Variants in RPS9 observed in about 807,000 individuals in gnomAD.
RPS9 encodes small ribosomal subunit protein uS4.
RPS9 carries 1 observed loss-of-function variant against 16.9 expected under a neutral mutation model. The ratio of observed to expected loss-of-function variants is 0.06; its 90% CI spans 0.02 to 0.28. The LOEUF (loss-of-function observed/expected upper bound fraction) is 0.28, where lower values mean the gene tolerates loss of function less well. RPS9 is among the 10% of genes least tolerant of loss of function. The pLI is 1.00. For missense variants in RPS9, 137 were observed against 273.2 expected (o/e 0.50, Z 3.51); for synonymous variants, 106 against 110.9 (o/e 0.96, Z 0.28).
intron 3 of RPS9, chr19:54,202,461 G>T: frequency 1.0e-6 from 1 of 985,362 alleles, no homozygotes; most frequent in Non-Finnish European, 1.2e-6. Context: ...GCCTGAACAG[G>T]AGAGAACCTG....
rs112444181 is a variant in RPS9 at position 54,206,286 on chromosome 19, G to C, written c.231G>C (p.Leu77=). The change falls in exon 4 of 5, where the codon CTG becomes CTC. Residue 77 remains leucine, a synonymous_variant. Coordinates refer to ENST00000302907, the MANE Select transcript of RPS9 (RefSeq NM_001013.4). ...DPRRLFEGNA[L]LRRLVRIGVL... The stretch of plus-strand genomic sequence containing the variant: ...TCCCACTCTTCCCAGGCAACGCCCT[G>C]CTGCGGCGGCTGGTCCGCATTGGGG... The C allele has an allele frequency of 6.6e-3, 10,713 of 1,612,794 alleles. 160 individuals carry two copies. Among genetic ancestry groups the C allele is most frequent in the African/African-American group, 0.049 (3,676 of 75,042 alleles).
intron 4 of RPS9, chr19:54,206,755 A>G: frequency 6.9e-7 from 1 of 1,453,070 alleles, no homozygotes; most frequent in East Asian, 2.5e-5. Context: ...CAGTGGAGGG[A>G]GAGAACCAGC....
chr19:54,203,283 C>T (rs2077124384), intron 3 of RPS9: 1 of 985,344 alleles, frequency 1.0e-6, no homozygotes, highest in Non-Finnish European at 1.2e-6. Context: ...CAGGTGAGTA[C>T]ACTTTCTAGT....
At chr19:54,201,013 C>T (rs1338747219) in intron 1 of RPS9, 125 bp downstream of exon 1, 19 of 1,448,678 alleles carry the variant, frequency 1.3e-5, no homozygotes, top group Middle Eastern at 5.1e-4. Context: ...GGGAGTGCAG[C>T]ACGGTTGTGG....
Position 54,200,882 on chromosome 19 carries a change from TGCTTA to T in RPS9, c.-30_-26del, listed in dbSNP as rs1428128523. 1 of 1,168,280 alleles carries T rather than the reference TGCTTA, an allele frequency of 8.6e-7. No homozygotes were observed. Among genetic ancestry groups the T allele is most frequent in the African/African-American group, 1.6e-5 (1 of 61,676 alleles). The allele number at this position is 1,168,280 out of a possible 1,614,324, so 72.4% of individuals were successfully genotyped here. A position where few individuals can be genotyped will look rare whatever the true frequency, so the allele number is the denominator to read the frequency against. ...CCTCTTTCTCAGTGACCGGGTGGTT[TGCTTA>T]GGTGAGGTGCGGTGGTGTGCTTTTT... On this transcript the variant is annotated splice_region_variant and 5_prime_UTR_variant, in exon 1 of 5. Transcript: ENST00000302907.
chr19:54,201,258 T>G lies in RPS9; in HGVS notation c.74T>G (p.Leu25Arg), dbSNP rs928989934. ...TPRRPFEKSR[L>R]DQELKLIGEY... ...CGGAGACCCTTCGAGAAATCTCGTCTCGACCAAGAGCTGAAGCTGATCGGT... is the reference window on the plus strand; with the variant it reads ...CGGAGACCCTTCGAGAAATCTCGTCGCGACCAAGAGCTGAAGCTGATCGGT... The change falls in exon 2 of 5, where the codon CTC (leucine) becomes CGC (arginine). Residue 25 changes from leucine to arginine, a missense_variant. Coordinates refer to ENST00000302907, the MANE Select transcript of RPS9 (RefSeq NM_001013.4). 6.2e-7 allele frequency: 1 copy of G among 1,613,182 alleles called. No individual in the cohort carries two copies. Among genetic ancestry groups the G allele is most frequent in the Non-Finnish European group, 8.5e-7 (1 of 1,179,396 alleles).
chr19:54,202,229 T>G (rs1197051330), intron 3 of RPS9, among the ~76,000 whole-genome samples: 2 of 152,056 alleles, frequency 1.3e-5, no homozygotes, highest in South Asian at 2.2e-4. Context: ...CCATTGCCCA[T>G]GCTGGAGTGT....
At chr19:54,206,927 C>T (rs367906588) in intron 4 of RPS9, 19 of 506,952 alleles carry the variant, frequency 3.7e-5, no homozygotes, top group East Asian at 7.0e-5. Context: ...AAGATGTTTG[C>T]GTTTAGAATC....
rs773622158 is a variant in RPS9, at chr19:54,201,241, C to A, written c.57C>A (p.Pro19=). The A allele has an allele frequency of 5.6e-6, 9 of 1,612,472 alleles. No individual in the cohort carries two copies. Among genetic ancestry groups the A allele is most frequent in the Non-Finnish European group, 7.6e-6 (9 of 1,178,776 alleles). ...AAACTTATGTGACCCCGCGGAGACC[C>A]TTCGAGAAATCTCGTCTCGACCAAG... ...CRKTYVTPRR[P]FEKSRLDQEL... The change falls in exon 2 of 5, where the codon CCC becomes CCA. Residue 19 remains proline (P), a synonymous_variant. Transcript: ENST00000302907.
rs943211629 is a variant in RPS9 at position 54,201,411 on chromosome 19, G to C, written c.98-76G>C. ...ACTATTCGTGGTTTAGGAAGGTTTTGTGATTCCAAAGCTGCCAGTCTAGTT... is the reference window on the plus strand; with the variant it reads ...ACTATTCGTGGTTTAGGAAGGTTTTCTGATTCCAAAGCTGCCAGTCTAGTT... On this transcript the variant is annotated intron_variant, in intron 2 of 4. Transcript: ENST00000302907. 4 of 1,608,500 alleles carry C rather than the reference G, an allele frequency of 2.5e-6. No homozygotes were observed. The African/African-American group carries it at 5.4e-5, about 22-fold the overall frequency.
At chr19:54,201,029 G>T in intron 1 of RPS9, 131 bp from the exon 2 acceptor site, 1 of 1,470,860 alleles carries the variant, frequency 6.8e-7, no homozygotes. Flanking sequence ...TGTGGGGGCA[G>T]ATACTGACTA....
At chr19:54,202,885 A>G (rs2077108628) in intron 3 of RPS9, 5 of 984,944 alleles carry the variant, frequency 5.1e-6, no homozygotes, top group Non-Finnish European at 6.0e-6. Context: ...TTAAATAGGC[A>G]CAGGATCTTG....
At chr19:54,204,245 G>A (rs1388588981) in intron 3 of RPS9, among the ~76,000 whole-genome samples, 1 of 152,136 alleles carries the variant, frequency 6.6e-6, no homozygotes, top group African/African-American at 2.4e-5. Flanking sequence ...TTAGCGGGGC[G>A]TGGTGGCGCA....
intron 3 of RPS9, among the ~76,000 whole-genome samples, chr19:54,204,290 A>AG (rs1568896009): frequency 6.6e-6 from 1 of 151,962 alleles, no homozygotes; most frequent in Middle Eastern, 3.2e-3. Context: ...GGAGAATCCC[A>AG]GGAGGCGGAG....
intron 3 of RPS9, chr19:54,203,402 G>C (rs1383418976): frequency 1.4e-6 from 1 of 690,944 alleles, no homozygotes; most frequent in Admixed American, 6.3e-5. Flanking sequence ...TAAGATGTGT[G>C]ACTAGCGAGA....
rs905833367 is a variant in RPS9, at chr19:54,200,902, G to A, written c.-26+14G>A. 6.8e-5 allele frequency: 91 copies of A among 1,340,630 alleles called. No homozygotes were observed. Among genetic ancestry groups the A allele is most frequent in the African/African-American group, 2.6e-4 (17 of 66,666 alleles). The allele number at this position is 1,340,630 out of a possible 1,614,324, so 83.0% of individuals were successfully genotyped here. A position where few individuals can be genotyped will look rare whatever the true frequency, so the allele number is the denominator to read the frequency against. ...TGGTTTGCTTAGGTGAGGTGCGGTG[G>A]TGTGCTTTTTCTCTAGGGTTTGGGT... On this transcript the variant is annotated intron_variant, in intron 1 of 4. Transcript: ENST00000302907.
intron 3 of RPS9, among the ~76,000 whole-genome samples, chr19:54,205,291 A>G (rs949491812): frequency 6.6e-6 from 1 of 151,996 alleles, no homozygotes; most frequent in Non-Finnish European, 1.5e-5. Flanking sequence ...GCTAGAAGCC[A>G]TGGCTTTGGA....
chr19:54,201,400 A>T, intron 2 of RPS9, 87 bp from the exon 3 acceptor site: 1 of 1,607,494 alleles, frequency 6.2e-7, no homozygotes, highest in Non-Finnish European at 8.5e-7. Context: ...TTCGTGGTTT[A>T]GGAAGGTTTT....
chr19:54,204,884 A>G (rs1462456905), intron 3 of RPS9, among the ~76,000 whole-genome samples: 2 of 152,232 alleles, frequency 1.3e-5, no homozygotes, highest in African/African-American at 2.4e-5. Context: ...AATTGAAGCC[A>G]TAGTATGACA....
Sources: allele counts gnomAD v4.1 joint callset (sites outside exome capture counted in the v4.1 genomes callset), GRCh38; gene constraint gnomAD v4.1.1; transcripts MANE v1.5; gene names NCBI Gene and HGNC (gene_info 2026-07-23, HGNC 2026-07-21).